ARNT2: variants seen among roughly 807,000 people sequenced by gnomAD.
The protein encoded by ARNT2 is ARNT protein 2.
ARNT2 carries 36 observed loss-of-function variants against 91.7 expected under a neutral mutation model. The observed-to-expected ratio is 0.39, with a 90% confidence interval of 0.30 to 0.52. The LOEUF is 0.52. Ranked by LOEUF, ARNT2 falls within the 20% of genes least tolerant of loss-of-function variation. ARNT2 has a pLI of 0.72. For missense variants in ARNT2, 775 were observed against 939.3 expected (o/e 0.83, Z 2.29); for synonymous variants, 365 against 347.1 (o/e 1.05, Z -0.57).
chr15:80,413,400 G>A (rs1267405225), intron 1 of ARNT2, among the ~76,000 whole-genome samples: 1 of 152,232 alleles, frequency 6.6e-6, no homozygotes, highest in African/African-American at 2.4e-5. Context: ...CCACCTGGCT[G>A]ACAGGGTGGT....
At chr15:80,408,865 A>C (rs1023826221) in intron 1 of ARNT2, among the ~76,000 whole-genome samples, 4 of 152,306 alleles carry the variant, frequency 2.6e-5, no homozygotes, top group Middle Eastern at 3.4e-3. Flanking sequence ...CCTTCAGTAT[A>C]TATTTATTTT....
intron 3 of ARNT2, among the ~76,000 whole-genome samples, chr15:80,458,753 A>G (rs951561077): frequency 2.6e-5 from 4 of 152,084 alleles, no homozygotes; most frequent in African/African-American, 9.7e-5. Flanking sequence ...CATTCTTAGC[A>G]AAATTCACAT....
intron 15 of ARNT2, 50 bp from the exon 16 acceptor site, chr15:80,580,361 C>T: frequency 6.2e-7 from 1 of 1,609,298 alleles, no homozygotes; most frequent in Non-Finnish European, 8.5e-7. Context: ...CACGTAGACT[C>T]ATGCAAACCA....
At chr15:80,414,442 A>C (rs181741270) in intron 1 of ARNT2, among the ~76,000 whole-genome samples, 194 of 152,330 alleles carry the variant, frequency 1.3e-3, no homozygotes, top group Non-Finnish European at 1.9e-3. Flanking sequence ...GGAGTTTCAC[A>C]AGGACATGTG....
At chr15:80,503,496 T>C (rs571061499) in intron 5 of ARNT2, among the ~76,000 whole-genome samples, 46 of 152,308 alleles carry the variant, frequency 3.0e-4, no homozygotes, top group Admixed American at 2.0e-3. Flanking sequence ...AAGTGTGTTT[T>C]TTCATTTCCT....
At chr15:80,516,322 G>A (rs1897434049) in intron 8 of ARNT2, among the ~76,000 whole-genome samples, 1 of 152,100 alleles carries the variant, frequency 6.6e-6, no homozygotes, top group African/African-American at 2.4e-5. Context: ...GGATTTTCCT[G>A]TTTCTCCTTG....
At chr15:80,467,138 G>T (rs1184473906) in intron 3 of ARNT2, among the ~76,000 whole-genome samples, 1 of 146,546 alleles carries the variant, frequency 6.8e-6, no homozygotes, top group African/African-American at 2.5e-5. Context: ...CGAAGGCTCT[G>T]GTTTGTATTT....
chr15:80,522,760 C>CATATATATATATATAT (rs60138286), intron 8 of ARNT2, among the ~76,000 whole-genome samples: 211 of 144,506 alleles, frequency 1.5e-3, no homozygotes, highest in African/African-American at 5.1e-3. Flanking sequence ...TGTACATACA[C>CATATATATATATATAT]ATATATATAT....
intron 6 of ARNT2, among the ~76,000 whole-genome samples, chr15:80,511,668 C>T (rs139595527): frequency 3.3e-4 from 50 of 152,220 alleles, no homozygotes; most frequent in African/African-American, 1.1e-3. Context: ...GGCCTCAAAA[C>T]TGAGATGCAT....
intron 1 of ARNT2, among the ~76,000 whole-genome samples, chr15:80,406,923 A>G (rs1040871131): frequency 2.0e-5 from 3 of 152,116 alleles, no homozygotes; most frequent in African/African-American, 7.2e-5. Flanking sequence ...TTTGGGAGAA[A>G]GGGTTTAATT....
intron 2 of ARNT2, among the ~76,000 whole-genome samples, chr15:80,453,439 C>T (rs1035262912): frequency 2.0e-5 from 3 of 152,180 alleles, no homozygotes; most frequent in African/African-American, 2.4e-5. Flanking sequence ...GAGATGTATC[C>T]TGTGTCTAAG....
At chr15:80,469,985 G>A (rs1343412235) in intron 3 of ARNT2, among the ~76,000 whole-genome samples, 2 of 152,122 alleles carry the variant, frequency 1.3e-5, no homozygotes, top group Non-Finnish European at 2.9e-5. Flanking sequence ...ATTTTGATAT[G>A]TATTTAGAGA....
intron 9 of ARNT2, 50 bp from the exon 10 acceptor site, chr15:80,552,590 C>T (rs1898100171): frequency 6.3e-7 from 1 of 1,594,140 alleles, no homozygotes; most frequent in Non-Finnish European, 8.6e-7. Flanking sequence ...TCACCATCTC[C>T]ATCTCGTCTC....
At chr15:80,431,634 G>A (rs1005983847) in intron 1 of ARNT2, among the ~76,000 whole-genome samples, 7 of 152,170 alleles carry the variant, frequency 4.6e-5, no homozygotes, top group African/African-American at 1.4e-4. Flanking sequence ...CCTTCCTCTC[G>A]TGATTGTCTG....
chr15:80,504,919 T>C (rs1897252866), intron 5 of ARNT2, among the ~76,000 whole-genome samples: 1 of 152,034 alleles, frequency 6.6e-6, no homozygotes, highest in African/African-American at 2.4e-5. Flanking sequence ...AGTGGTGGGA[T>C]GGCATAGGGT....
intron 8 of ARNT2, among the ~76,000 whole-genome samples, chr15:80,517,885 T>G (rs999063827): frequency 1.3e-5 from 2 of 152,204 alleles, no homozygotes; most frequent in African/African-American, 4.8e-5. Context: ...CTTTTTATTA[T>G]CCATCTGTTC....
intron 2 of ARNT2, among the ~76,000 whole-genome samples, chr15:80,456,495 C>T (rs928715372): frequency 1.2e-4 from 19 of 152,200 alleles, no homozygotes; most frequent in Non-Finnish European, 2.5e-4. Flanking sequence ...ACTTTGGCTA[C>T]GCAGTACATA....
chr15:80,576,716 C>T, intron 14 of ARNT2, 150 bp from the exon 15 acceptor site: 1 of 755,526 alleles, frequency 1.3e-6, no homozygotes, highest in South Asian at 1.7e-5. Flanking sequence ...GAGGCAGAGG[C>T]AAGGCTGAGA....
chr15:80,541,682 G>A (rs58806736), intron 8 of ARNT2, among the ~76,000 whole-genome samples: 1 of 152,122 alleles, frequency 6.6e-6, no homozygotes, highest in African/African-American at 2.4e-5. Context: ...AGTAGTAGGA[G>A]TAAAACCCAC....
Sources: allele counts gnomAD v4.1 joint callset (sites outside exome capture counted in the v4.1 genomes callset), GRCh38; gene constraint gnomAD v4.1.1; transcripts MANE v1.5; gene names NCBI Gene and HGNC (gene_info 2026-07-23, HGNC 2026-07-21).